The following CACNA2D1 variants were observed in gnomAD, a reference collection of about 807,000 sequenced individuals.
The protein encoded by CACNA2D1 is calcium voltage-gated channel auxiliary subunit alpha2delta 1.
In CACNA2D1, 53 loss-of-function variants were observed where a neutral mutation model predicts 171.5. The ratio of observed to expected loss-of-function variants is 0.31; its 90% CI spans 0.25 to 0.39. The LOEUF (loss-of-function observed/expected upper bound fraction) is 0.39, where lower values mean the gene tolerates loss of function less well. CACNA2D1 is among the 10% of genes least tolerant of loss of function. The pLI is 1.00. For missense variants in CACNA2D1, 903 were observed against 1,299.8 expected (o/e 0.69, Z 4.69); for synonymous variants, 442 against 443.1 (o/e 1.00, Z 0.03).
At chr7:81,967,250 GGATTTTA>G in intron 30 of CACNA2D1, 43 bp from the exon 31 acceptor site, 1 of 1,495,052 alleles carries the variant, frequency 6.7e-7, no homozygotes, top group Non-Finnish European at 9.3e-7. Context: ...TTTAAAAGTT[GGATTTTA>G]ATTATATTAT....
intron 3 of CACNA2D1, among the ~76,000 whole-genome samples, chr7:82,278,764 A>G (rs1455520649): frequency 6.6e-6 from 1 of 152,108 alleles, no homozygotes; most frequent in Non-Finnish European, 1.5e-5. Flanking sequence ...CCACATTTTT[A>G]GTTCTATTAG....
chr7:82,275,670 C>A (rs1434659985), intron 3 of CACNA2D1, among the ~76,000 whole-genome samples: 1 of 152,034 alleles, frequency 6.6e-6, no homozygotes, highest in Admixed American at 6.6e-5. Context: ...CTTCATCCTG[C>A]CAAGCTGATT....
At chr7:82,364,104 T>C (rs1437348501) in intron 1 of CACNA2D1, among the ~76,000 whole-genome samples, 1 of 152,150 alleles carries the variant, frequency 6.6e-6, no homozygotes, top group African/African-American at 2.4e-5. Flanking sequence ...TGGTGGCTTA[T>C]GCCAGCTACT....
chr7:82,241,532 C>A (rs1285147919), intron 3 of CACNA2D1, among the ~76,000 whole-genome samples: 1 of 152,074 alleles, frequency 6.6e-6, no homozygotes, highest in Non-Finnish European at 1.5e-5. Flanking sequence ...TCTGTGGGAT[C>A]AATTTGGGGA....
intron 3 of CACNA2D1, among the ~76,000 whole-genome samples, chr7:82,222,875 T>C (rs1801928613): frequency 6.6e-6 from 1 of 151,716 alleles, no homozygotes; most frequent in South Asian, 2.1e-4. Context: ...TATTATATCT[T>C]TAGCTTTATT....
chr7:82,228,173 A>G (rs914065107), intron 3 of CACNA2D1, among the ~76,000 whole-genome samples: 2 of 152,184 alleles, frequency 1.3e-5, no homozygotes, highest in African/African-American at 4.8e-5. Flanking sequence ...AATGCTTTAA[A>G]TGAGGATCTA....
rs1398008765 is a variant in CACNA2D1 at position 82,060,213 on chromosome 7, T to TA, written c.879+214dup. Among the ~76,000 whole-genome samples the TA allele has an allele frequency of 3.7e-4, 14 of 37,614 alleles. 3 individuals carry two copies. The East Asian group carries it at 0.016, about 43-fold the overall frequency. The allele number at this position is 37,614 out of a possible 152,430, so 24.7% of individuals were successfully genotyped here. On this transcript the variant is annotated intron_variant, in intron 10 of 38. Coordinates refer to ENST00000356860, the MANE Select transcript of CACNA2D1 (RefSeq NM_000722.4). ...TATTATATATATATTATATATATAATATATATATAATATATATATATAATA... is the reference window on the plus strand; with the variant it reads ...TATTATATATATATTATATATATAATAATATATATAATATATATATATAATA...
At chr7:82,245,002 T>C (rs1804735180) in intron 3 of CACNA2D1, among the ~76,000 whole-genome samples, 1 of 152,148 alleles carries the variant, frequency 6.6e-6, no homozygotes, top group African/African-American at 2.4e-5. Context: ...GTGCTTTCCA[T>C]CAAAATCACA....
chr7:82,273,032 C>CTAT (rs1213743751), intron 3 of CACNA2D1, among the ~76,000 whole-genome samples: 1 of 152,010 alleles, frequency 6.6e-6, no homozygotes, highest in Non-Finnish European at 1.5e-5. Context: ...ATACTACTAA[C>CTAT]TAATAAACAA....
At chr7:82,032,735 C>T in intron 12 of CACNA2D1, 62 bp downstream of exon 12, 3 of 898,920 alleles carry the variant, frequency 3.3e-6, no homozygotes, top group Non-Finnish European at 5.3e-6. Flanking sequence ...CCACTACCCA[C>T]TATCTCTTTA....
intron 6 of CACNA2D1, among the ~76,000 whole-genome samples, chr7:82,102,537 C>T (rs1316117771): frequency 6.6e-6 from 1 of 151,938 alleles, no homozygotes; most frequent in African/African-American, 2.4e-5. Flanking sequence ...GTAAAAACAT[C>T]AAAGTAGTTG....
intron 3 of CACNA2D1, among the ~76,000 whole-genome samples, chr7:82,188,757 G>T (rs953166647): frequency 2.0e-5 from 3 of 151,964 alleles, no homozygotes; most frequent in Non-Finnish European, 4.4e-5. Flanking sequence ...GCAAAAACAT[G>T]GAATCAACTT....
intron 1 of CACNA2D1, among the ~76,000 whole-genome samples, chr7:82,376,118 G>T (rs1451441442): frequency 2.6e-5 from 4 of 152,154 alleles, no homozygotes; most frequent in Admixed American, 2.6e-4. Flanking sequence ...ATCAGCCTGG[G>T]AGATGGGTAA....
rs145532587 is a variant in CACNA2D1 at position 82,375,397 on chromosome 7, T to C, written c.96-25748A>G. 2.6e-5 allele frequency among the ~76,000 whole-genome samples: 4 copies of C among 152,308 alleles called. No homozygotes were observed. In the East Asian group the frequency reaches 7.7e-4, roughly 29 times the overall value. On this transcript the variant is annotated intron_variant, in intron 1 of 38. Transcript: ENST00000356860. ...CCCAGCCACATCACCAAATCCCTCC[T>C]GTTAGAACTGCAGGTGCCAAGATCA... is the stretch of plus-strand genomic sequence containing the variant.
At chr7:82,160,284 G>C (rs1016755403) in intron 4 of CACNA2D1, among the ~76,000 whole-genome samples, 1 of 151,854 alleles carries the variant, frequency 6.6e-6, no homozygotes, top group Non-Finnish European at 1.5e-5. Flanking sequence ...TCAGATTAGA[G>C]CATTCTACCA....
intron 3 of CACNA2D1, among the ~76,000 whole-genome samples, chr7:82,203,964 T>C (rs1799751424): frequency 1.3e-5 from 2 of 152,024 alleles, no homozygotes; most frequent in South Asian, 4.1e-4. Flanking sequence ...TGAGTACAAG[T>C]CCCGTAGCAG....
chr7:82,073,276 C>T (rs1325676487), intron 7 of CACNA2D1, among the ~76,000 whole-genome samples: 3 of 152,140 alleles, frequency 2.0e-5, no homozygotes, highest in African/African-American at 7.2e-5. Flanking sequence ...TATTTAGAAA[C>T]TGATCCTCTA....
intron 6 of CACNA2D1, among the ~76,000 whole-genome samples, chr7:82,107,060 T>C (rs985076953): frequency 1.1e-4 from 16 of 152,136 alleles, no homozygotes; most frequent in Admixed American, 1.0e-3. Flanking sequence ...TGAGATAAAT[T>C]TGTAATGAAA....
At chr7:82,040,361 CA>C (rs1203958826) in intron 10 of CACNA2D1, among the ~76,000 whole-genome samples, 1 of 139,312 alleles carries the variant, frequency 7.2e-6, no homozygotes, top group African/African-American at 2.7e-5. Context: ...GGTGAGGTTT[CA>C]ATACATGTGA....
Sources: allele counts gnomAD v4.1 joint callset (sites outside exome capture counted in the v4.1 genomes callset), GRCh38; gene constraint gnomAD v4.1.1; transcripts MANE v1.5; gene names NCBI Gene and HGNC (gene_info 2026-07-23, HGNC 2026-07-21).